Variants in IL20RA observed in about 807,000 individuals in gnomAD.
IL20RA encodes the protein interleukin 20 receptor subunit alpha.
A neutral mutation model predicts 36.5 loss-of-function variants in IL20RA; 29 were observed. The ratio of observed to expected loss-of-function variants is 0.79; its 90% CI spans 0.59 to 1.08. The LOEUF (loss-of-function observed/expected upper bound fraction) is 1.08. Ranked by LOEUF, IL20RA falls within the 50% of genes least tolerant of loss-of-function variation. The pLI is 0.00. For missense variants in IL20RA, 652 were observed against 668.4 expected (o/e 0.98, Z 0.27); for synonymous variants, 279 against 267.1 (o/e 1.04, Z -0.43).
chr6:137,044,408 A>C, intron 1 of IL20RA: 12 of 911,740 alleles, frequency 1.3e-5, no homozygotes, highest in Non-Finnish European at 1.5e-5. Context: ...CGGAGCGCGG[A>C]GTCCTGCAAA....
At chr6:137,004,963 G>T (rs578058452) in intron 5 of IL20RA, among the ~76,000 whole-genome samples, 1 of 152,310 alleles carries the variant, frequency 6.6e-6, no homozygotes, top group Admixed American at 6.5e-5. Flanking sequence ...CCTGACAAGA[G>T]ACGGTCTGAA....
At chr6:137,011,663 C>A (rs996092854) in intron 2 of IL20RA, among the ~76,000 whole-genome samples, 1 of 152,142 alleles carries the variant, frequency 6.6e-6, no homozygotes, top group African/African-American at 2.4e-5. Context: ...CTGTAATCAC[C>A]TTTCTTTCTG....
At chr6:137,029,487 ACAG>A (rs2115411695) in intron 1 of IL20RA, among the ~76,000 whole-genome samples, 1 of 152,262 alleles carries the variant, frequency 6.6e-6, no homozygotes, top group South Asian at 2.1e-4. Context: ...TGCCTGGGCA[ACAG>A]AGTGAGACTG....
intron 1 of IL20RA, among the ~76,000 whole-genome samples, chr6:137,018,513 CGTGTGTGTGT>C (rs3842115): frequency 1.3e-4 from 18 of 142,916 alleles, no homozygotes; most frequent in Admixed American, 3.5e-4. Context: ...CTGCCGTGTG[CGTGTGTGTGT>C]GTGTGTGTGT....
intron 1 of IL20RA, among the ~76,000 whole-genome samples, chr6:137,038,853 C>T (rs924412912): frequency 6.6e-6 from 1 of 151,840 alleles, no homozygotes; most frequent in South Asian, 2.1e-4. Flanking sequence ...TTTAAGAAAG[C>T]CATACAACTT....
At chr6:137,037,800 C>G (rs1040678008) in intron 1 of IL20RA, 4 of 152,204 alleles carry the variant, frequency 2.6e-5, no homozygotes, top group African/African-American at 9.7e-5. Context: ...AAAGAAGACA[C>G]AGAGGAAATG....
At chr6:137,011,616 T>C (rs184335342) in intron 2 of IL20RA, among the ~76,000 whole-genome samples, 164 bp from the exon 3 acceptor site, 86 of 152,330 alleles carry the variant, frequency 5.6e-4, no homozygotes, top group African/African-American at 1.9e-3. Context: ...GGTGGGCAAT[T>C]TTTTTCATCA....
intron 6 of IL20RA, among the ~76,000 whole-genome samples, chr6:137,004,174 T>TTTTTTTTTTTTTTTTTTTTTTTTTG (rs1562228088): frequency 1.8e-4 from 22 of 124,472 alleles, no homozygotes; most frequent in African/African-American, 2.5e-4. Context: ...TTTTTTTTTT[T>TTTTTTTTTTTTTTTTTTTTTTTTTG]TTTTTTTTTT....
intron 1 of IL20RA, chr6:137,044,028 A>G (rs1375073404): frequency 1.3e-6 from 1 of 799,520 alleles, no homozygotes; most frequent in Non-Finnish European, 1.5e-6. Flanking sequence ...ATCAAAGAGC[A>G]CTATCTGTAC....
chr6:137,044,782 C>A lies in IL20RA; in HGVS notation c.-54G>T. ...GGGCAGCAGACTGCTCAGTCCCACG[C>A]CCGCTGGGGCCAAGCGCGGCCGCGC... On this transcript the variant is annotated 5_prime_UTR_variant, in exon 1 of 7. Coordinates refer to ENST00000316649, the MANE Select transcript of IL20RA (RefSeq NM_014432.4). 8.3e-7 allele frequency: 1 copy of A among 1,205,340 alleles called. No individual in the cohort carries two copies. Among genetic ancestry groups the A allele is most frequent in the South Asian group, 4.2e-5 (1 of 23,746 alleles). 74.7% of individuals were successfully genotyped at this position (1,205,340 alleles called of 1,614,324 possible).
rs1307395057 is a variant in IL20RA at position 137,044,670 on chromosome 6, A to G, written c.59T>C (p.Leu20Ser). 2.4e-6 allele frequency: 3 copies of G among 1,224,922 alleles called. No homozygotes were observed. The highest frequency in any genetic ancestry group is 3.1e-6 in the Non-Finnish European group (3 of 983,504). 75.9% of individuals were successfully genotyped at this position (1,224,922 alleles called of 1,614,324 possible). A position where few individuals can be genotyped will look rare whatever the true frequency, so the allele number is the denominator to read the frequency against. Residue 20 changes from leucine to serine, a missense_variant, in exon 1 of 7, where the codon TTG becomes TCG. Transcript: ENST00000316649. ...RPLPLPPLLL[L>S]LLAAPWGRAV... is the part of the protein sequence containing the mutation. ...CCGTCCCCAAGGCGCCGCCAGGAGCAACAGCAGCAGCGGCGGCAGCGGCAG... is the reference window on the plus strand; with the variant it reads ...CCGTCCCCAAGGCGCCGCCAGGAGCGACAGCAGCAGCGGCGGCAGCGGCAG...
chr6:137,042,077 A>G (rs929444167), intron 1 of IL20RA, among the ~76,000 whole-genome samples: 17 of 152,028 alleles, frequency 1.1e-4, no homozygotes, highest in Admixed American at 6.6e-5. Flanking sequence ...TTGGCAGGAG[A>G]GGCCAAAGTC....
At position 137,008,697 on chromosome 6, in the gene IL20RA, T is replaced by C; in HGVS notation, c.626A>G (p.Glu209Gly). The C allele has an allele frequency of 6.2e-7, 1 of 1,606,988 alleles. No homozygotes were observed. Among genetic ancestry groups the C allele is most frequent in the Non-Finnish European group, 8.5e-7 (1 of 1,176,766 alleles). Reference protein sequence around the residue: ...TNHTLVLTWLEPNTLYCVHVE... With the variant: ...TNHTLVLTWLGPNTLYCVHVE... ...GTGTACGCAGTAAAGAGTGTTCGGC[T>C]CCAGCCAGGTGAGCACCAGCGTGTG... is the stretch of plus-strand genomic sequence containing the variant. Residue 209 changes from glutamate (E) to glycine (G), a missense_variant, in exon 5 of 7, where the codon GAG becomes GGG. Glu to Gly is a moderately conservative substitution (Grantham distance 98, BLOSUM62 -2). Coordinates refer to ENST00000316649, the MANE Select transcript of IL20RA (RefSeq NM_014432.4).
chr6:137,013,301 T>C (rs1775561970), intron 2 of IL20RA, among the ~76,000 whole-genome samples: 1 of 152,184 alleles, frequency 6.6e-6, no homozygotes, highest in African/African-American at 2.4e-5. Context: ...CAGCTTCCCA[T>C]GACAGATGCT....
At chr6:137,010,475 T>C (rs1775447719) in intron 3 of IL20RA, among the ~76,000 whole-genome samples, 1 of 140,880 alleles carries the variant, frequency 7.1e-6, no homozygotes, top group African/African-American at 2.5e-5. Context: ...AACTCTTGGC[T>C]TGTAGAAAAA....
At chr6:137,028,512 TCTGCCAGGTAC>T (rs1448898984) in intron 1 of IL20RA, among the ~76,000 whole-genome samples, 3 of 152,054 alleles carry the variant, frequency 2.0e-5, no homozygotes, top group Non-Finnish European at 4.4e-5. Flanking sequence ...ATATACTTTC[TCTGCCAGGTAC>T]CTGCACATTT....
intron 1 of IL20RA, among the ~76,000 whole-genome samples, chr6:137,031,535 C>A (rs542492724): frequency 6.6e-6 from 1 of 152,256 alleles, no homozygotes; most frequent in South Asian, 2.1e-4. Context: ...AGGTTGGTAG[C>A]CTAGGGGTAA....
intron 2 of IL20RA, 53 bp downstream of exon 2, chr6:137,016,915 A>C: frequency 4.0e-6 from 6 of 1,514,778 alleles, no homozygotes; most frequent in Non-Finnish European, 4.6e-6. Flanking sequence ...ACAATTCACA[A>C]GAGTCTGAGT....
chr6:137,002,199 C>G lies in IL20RA; in HGVS notation c.1021G>C (p.Asp341His). 1 of 1,614,110 alleles carries G rather than the reference C, an allele frequency of 6.2e-7. No individual in the cohort carries two copies. The highest frequency in any genetic ancestry group is 8.5e-7 in the Non-Finnish European group (1 of 1,180,022). ...GKSSDVSSLN[D>H]PQPSGNLRPP... is the part of the protein sequence containing the mutation. The stretch of plus-strand genomic sequence containing the variant: ...CTCAGGTTCCCGCTGGGCTGAGGAT[C>G]ATTAAGGCTGGATACATCACTGCTT... The change falls in exon 7 of 7, where the codon GAT (aspartate) becomes CAT (histidine). Residue 341 changes from aspartate to histidine, a missense_variant. Physicochemically the swap from Asp to His is moderately conservative, Grantham distance 81. Transcript: ENST00000316649.
Sources: gnomAD v4.1 joint callset for allele counts (sites outside exome capture counted in the v4.1 genomes callset) on GRCh38, gnomAD v4.1.1 for gene constraint, MANE v1.5 for transcripts, NCBI Gene and HGNC (gene_info 2026-07-23, HGNC 2026-07-21) for gene names.